Variants in SPIN1 observed in about 807,000 individuals in gnomAD.
The protein encoded by SPIN1 is spindlin 1, also known as spindlin-1.
A neutral mutation model predicts 26.0 loss-of-function variants in SPIN1; 3 were observed. The observed-to-expected ratio is 0.12, with a 90% CI of 0.05 to 0.30. SPIN1 has a LOEUF of 0.30. SPIN1 is among the 10% of genes least tolerant of loss of function. The pLI is 1.00. For synonymous variants in SPIN1, 101 were observed against 116.5 expected (o/e 0.87, Z 0.86); for missense variants, 126 against 333.4 (o/e 0.38, Z 4.84).
At chr9:88,395,175 G>T (rs1219792725) in intron 1 of SPIN1, among the ~76,000 whole-genome samples, 2 of 152,014 alleles carry the variant, frequency 1.3e-5, no homozygotes, top group East Asian at 3.9e-4. Context: ...AATCTGATCT[G>T]TGTTAAAAAG....
At chr9:88,408,376 C>CTT (rs1177261349) in intron 1 of SPIN1, among the ~76,000 whole-genome samples, 63 of 115,436 alleles carry the variant, frequency 5.5e-4, no homozygotes, top group Non-Finnish European at 8.4e-4. Flanking sequence ...TCCTTTTTTT[C>CTT]TTTTTTTTTT....
At chr9:88,405,006 G>C (rs1827266450) in intron 1 of SPIN1, among the ~76,000 whole-genome samples, 1 of 151,880 alleles carries the variant, frequency 6.6e-6, no homozygotes, top group African/African-American at 2.4e-5. Context: ...CAGGTGAAAG[G>C]TCTTCAGGTG....
chr9:88,436,135 G>A (rs1827994251), intron 2 of SPIN1, among the ~76,000 whole-genome samples: 1 of 151,944 alleles, frequency 6.6e-6, no homozygotes, highest in Middle Eastern at 3.4e-3. Context: ...GGGTCTAACT[G>A]TGTTGCCCAG....
At chr9:88,413,389 G>GTT (rs151070215) in intron 1 of SPIN1, among the ~76,000 whole-genome samples, 4 of 149,440 alleles carry the variant, frequency 2.7e-5, no homozygotes, top group African/African-American at 7.4e-5. Flanking sequence ...TTTTTGTTCT[G>GTT]TTTTTTTTAT....
intron 1 of SPIN1, chr9:88,411,296 C>T (rs1307151581): frequency 1.7e-5 from 22 of 1,319,002 alleles, no homozygotes; most frequent in South Asian, 2.3e-5. Context: ...AAACTCAAAG[C>T]CCCTGGAGCA....
intron 1 of SPIN1, among the ~76,000 whole-genome samples, chr9:88,421,236 A>C (rs1827660954): frequency 1.3e-5 from 2 of 152,144 alleles, no homozygotes; most frequent in African/African-American, 2.4e-5. Flanking sequence ...TTTAATGATA[A>C]TCTTACAATA....
chr9:88,457,667 A>G (rs894969928), intron 3 of SPIN1: 1 of 206,108 alleles, frequency 4.9e-6, no homozygotes, highest in Non-Finnish European at 8.5e-6. Flanking sequence ...TACTGAGGGG[A>G]AAAAGACTTT....
intron 1 of SPIN1, among the ~76,000 whole-genome samples, chr9:88,392,238 G>A (rs1367343796): frequency 6.6e-6 from 1 of 151,994 alleles, no homozygotes; most frequent in Non-Finnish European, 1.5e-5. Context: ...TCAGTATTCA[G>A]TCCAATTTAA....
intron 1 of SPIN1, among the ~76,000 whole-genome samples, chr9:88,422,660 A>C (rs1050547175): frequency 2.6e-5 from 4 of 152,028 alleles, no homozygotes; most frequent in Non-Finnish European, 5.9e-5. Context: ...AGGACTCTAA[A>C]ATTTTATTTT....
At chr9:88,408,268 C>A (rs1353408384) in intron 1 of SPIN1, among the ~76,000 whole-genome samples, 2 of 147,156 alleles carry the variant, frequency 1.4e-5, no homozygotes, top group African/African-American at 2.5e-5. Context: ...TTACCCCCTC[C>A]CCCCACCTTC....
chr9:88,388,904 A>C (rs995110877), intron 1 of SPIN1, among the ~76,000 whole-genome samples: 2 of 145,144 alleles, frequency 1.4e-5, no homozygotes, highest in African/African-American at 5.1e-5. Flanking sequence ...GCCGGCGGGC[A>C]GGGGGCGGCG....
rs77172582 is a variant in SPIN1, at chr9:88,443,706, C to T, written c.53-5235C>T. On this transcript the variant is annotated intron_variant, in intron 2 of 5. Coordinates refer to ENST00000375859, the MANE Select transcript of SPIN1 (RefSeq NM_006717.3). ...TTAGCAAGGTAGTGGTAACGTATGC[C>T]GGGGAGGAGAAGCAGTCTGTAGTCC... 4.7e-3 allele frequency among the ~76,000 whole-genome samples: 716 copies of T among 152,242 alleles called. 5 individuals are homozygous for T. The highest frequency in any genetic ancestry group is 0.016 in the African/African-American group (656 of 41,548).
At chr9:88,448,855 G>A (rs1449112314) in intron 2 of SPIN1, 86 bp from the exon 3 acceptor site, 4 of 1,231,328 alleles carry the variant, frequency 3.2e-6, no homozygotes, top group South Asian at 1.3e-5. Flanking sequence ...ATTCTGTATA[G>A]CAGTTTTTCA....
At chr9:88,448,571 ACTC>A (rs1467917980) in intron 2 of SPIN1, among the ~76,000 whole-genome samples, 1 of 151,720 alleles carries the variant, frequency 6.6e-6, no homozygotes, top group Non-Finnish European at 1.5e-5. Context: ...CTGGTCTCGA[ACTC>A]CTGGCCTCAG....
At chr9:88,445,874 G>A (rs1587804166) in intron 2 of SPIN1, among the ~76,000 whole-genome samples, 2 of 152,224 alleles carry the variant, frequency 1.3e-5, no homozygotes, top group East Asian at 1.9e-4. Context: ...ATGTATCTGA[G>A]TGAATATTTC....
rs114766819 is a variant in SPIN1, at chr9:88,398,880, A to T, written c.-159+10342A>T. ...CCGTGCCCGGCCTTGTTGACTTTTA[A>T]TTGTAATATTTTTTTCAGGATCACA... On this transcript the variant is annotated intron_variant, in intron 1 of 5. Transcript: ENST00000375859. Among the ~76,000 whole-genome samples, 1,049 of 147,828 alleles carry T rather than the reference A, an allele frequency of 7.1e-3. 13 individuals carry two copies. The highest frequency in any genetic ancestry group is 0.025 in the African/African-American group (999 of 39,774).
chr9:88,451,816 C>G (rs191934571), intron 3 of SPIN1, among the ~76,000 whole-genome samples: 2 of 152,224 alleles, frequency 1.3e-5, no homozygotes, highest in Non-Finnish European at 2.9e-5. Context: ...CTACCTCAGC[C>G]TCCCAAAGTG....
chr9:88,443,188 C>A (rs1828176513), intron 2 of SPIN1, among the ~76,000 whole-genome samples: 1 of 151,048 alleles, frequency 6.6e-6, no homozygotes, highest in Admixed American at 6.6e-5. Context: ...TCTTCCTTTA[C>A]CTACTTGCAT....
intron 4 of SPIN1, among the ~76,000 whole-genome samples, chr9:88,467,362 C>T (rs867608012): frequency 6.6e-6 from 1 of 152,088 alleles, no homozygotes; most frequent in Non-Finnish European, 1.5e-5. Context: ...GTACAAGCAA[C>T]TAACAAGTAC....
Sources: gnomAD v4.1 joint callset for allele counts (sites outside exome capture counted in the v4.1 genomes callset) on GRCh38, gnomAD v4.1.1 for gene constraint, MANE v1.5 for transcripts, NCBI Gene and HGNC (gene_info 2026-07-23, HGNC 2026-07-21) for gene names.